Variants in POPDC1 observed in about 807,000 individuals in gnomAD.
POPDC1 encodes popeye domain-containing protein 1.
chr6:105,115,908 A>G, the POPDC1 span: 2 of 1,448,794 alleles, frequency 1.4e-6, no homozygotes, highest in Non-Finnish European at 1.9e-6. Flanking sequence ...TACTTTTCCT[A>G]GAAATACGTT....
At chr6:105,125,418 T>A in the POPDC1 span, 1 of 1,614,222 alleles carries the variant, frequency 6.2e-7, no homozygotes, top group Non-Finnish European at 8.5e-7. Flanking sequence ...ACTCAGACGG[T>A]CATCAACTGA....
the POPDC1 span, among the ~76,000 whole-genome samples, chr6:105,116,220 T>C: frequency 6.6e-6 from 1 of 152,222 alleles, no homozygotes; most frequent in Non-Finnish European, 1.5e-5. Context: ...TCTAAAAAGA[T>C]ACGGGAAAAT....
At chr6:105,110,641 A>G in the POPDC1 span, among the ~76,000 whole-genome samples, 1 of 152,214 alleles carries the variant, frequency 6.6e-6, no homozygotes, top group East Asian at 1.9e-4. Context: ...CTAACTAAAT[A>G]TTTGTAAAAC....
At chr6:105,128,126 T>C in the POPDC1 span, among the ~76,000 whole-genome samples, 207 of 152,352 alleles carry the variant, frequency 1.4e-3, no homozygotes, top group African/African-American at 4.8e-3. Context: ...TGTGTGCCAA[T>C]AATGGTTGAC....
chr6:105,119,661 A>G, the POPDC1 span, among the ~76,000 whole-genome samples: 1 of 152,240 alleles, frequency 6.6e-6, no homozygotes, highest in Non-Finnish European at 1.5e-5. Flanking sequence ...GATGTCACCC[A>G]GGACTCTGGA....
At chr6:105,103,041 C>A in the POPDC1 span, among the ~76,000 whole-genome samples, 10 of 152,214 alleles carry the variant, frequency 6.6e-5, no homozygotes, top group African/African-American at 2.4e-4. Flanking sequence ...GAGTTCTTCC[C>A]CTTTCCCATG....
the POPDC1 span, among the ~76,000 whole-genome samples, chr6:105,114,544 T>C: frequency 2.0e-5 from 3 of 152,234 alleles, no homozygotes; most frequent in Non-Finnish European, 4.4e-5. Flanking sequence ...TAAAAGTTAA[T>C]TTGGTTTAAA....
the POPDC1 span, chr6:105,129,305 T>C: frequency 3.0e-6 from 4 of 1,341,604 alleles, no homozygotes; most frequent in Non-Finnish European, 3.0e-6. Flanking sequence ...ATACTTACTC[T>C]TAACTCTGAA....
chr6:105,116,932 G>A, the POPDC1 span: 1 of 1,453,626 alleles, frequency 6.9e-7, no homozygotes, highest in East Asian at 2.3e-5. Flanking sequence ...TGACTATAGT[G>A]ATTTAGAAAA....
chr6:105,131,332 G>C, the POPDC1 span, among the ~76,000 whole-genome samples: 1 of 152,158 alleles, frequency 6.6e-6, no homozygotes, highest in African/African-American at 2.4e-5. Flanking sequence ...ATAATGGGAG[G>C]ATAGAGAAAA....
chr6:105,109,610 C>T, the POPDC1 span, among the ~76,000 whole-genome samples: 7 of 151,470 alleles, frequency 4.6e-5, no homozygotes, highest in Non-Finnish European at 8.8e-5. Flanking sequence ...TGGTGGCACA[C>T]ACCTATAGTC....
At chr6:105,131,839 A>AC in the POPDC1 span, among the ~76,000 whole-genome samples, 1 of 150,882 alleles carries the variant, frequency 6.6e-6, no homozygotes, top group African/African-American at 2.4e-5. Flanking sequence ...AGGGTACGGT[A>AC]TTTTTTTTTC....
chr6:105,104,246 C>T, the POPDC1 span, among the ~76,000 whole-genome samples: 2 of 152,158 alleles, frequency 1.3e-5, no homozygotes, highest in Admixed American at 1.3e-4. Context: ...ATGTGTAACC[C>T]TCCATGACTC....
chr6:105,129,004 AC>A, the POPDC1 span, among the ~76,000 whole-genome samples: 1 of 152,332 alleles, frequency 6.6e-6, no homozygotes, highest in East Asian at 1.9e-4. Context: ...AATAGCATGA[AC>A]TATTTGTAAA....
At chr6:105,134,484 A>C in the POPDC1 span, among the ~76,000 whole-genome samples, 1 of 152,208 alleles carries the variant, frequency 6.6e-6, no homozygotes, top group Non-Finnish European at 1.5e-5. Context: ...GTAGGTTTAC[A>C]GATTATATGA....
the POPDC1 span, among the ~76,000 whole-genome samples, chr6:105,123,502 G>T: frequency 4.6e-5 from 7 of 152,010 alleles, no homozygotes; most frequent in African/African-American, 1.7e-4. Context: ...CCAGGTTCAC[G>T]CCATTCTCCT....
chr6:105,129,324 C>T, the POPDC1 span: 114,616 of 1,453,222 alleles, frequency 0.079, 5,353 homozygotes, highest in African/African-American at 0.2. Context: ...AACAAAGTAC[C>T]TTTCAAAGTT....
the POPDC1 span, among the ~76,000 whole-genome samples, chr6:105,126,665 G>A: frequency 1.3e-5 from 2 of 152,014 alleles, no homozygotes; most frequent in Admixed American, 1.3e-4. Context: ...TTTAAATATG[G>A]CAGCAAGAAA....
the POPDC1 span, chr6:105,100,927 A>G: frequency 1.4e-6 from 1 of 695,172 alleles, no homozygotes; most frequent in South Asian, 3.8e-5. Context: ...AGGGTAAGTG[A>G]AAGAACTCTT....
Sources: gnomAD v4.1 joint callset for allele counts (sites outside exome capture counted in the v4.1 genomes callset) on GRCh38, gnomAD v4.1.1 for gene constraint, MANE v1.5 for transcripts, NCBI Gene and HGNC (gene_info 2026-07-23, HGNC 2026-07-21) for gene names.